The following NOTCH2 variants were observed in gnomAD, a reference collection of about 807,000 sequenced individuals.
NOTCH2 encodes notch receptor 2.
In NOTCH2, 29 loss-of-function variants were observed where a neutral mutation model predicts 235.8. The observed-to-expected ratio is 0.12, with a 90% CI of 0.09 to 0.17. The LOEUF (loss-of-function observed/expected upper bound fraction) is 0.17. NOTCH2 is among the 10% of genes least tolerant of loss of function. The pLI, the probability that NOTCH2 is intolerant of heterozygous loss-of-function variation, is 1.00. For missense variants in NOTCH2, 2,285 were observed against 3,150.2 expected (o/e 0.73, Z 6.57); for synonymous variants, 1,086 against 1,141.5 (o/e 0.95, Z 0.98).
intron 22 of NOTCH2, among the ~76,000 whole-genome samples, chr1:119,930,743 C>T (rs994339176): frequency 2.0e-5 from 3 of 151,396 alleles, no homozygotes; most frequent in Non-Finnish European, 4.4e-5. Flanking sequence ...TATGCCACTG[C>T]ACTCCAGCCT....
chr1:120,064,492 T>C (rs1553216726), intron 1 of NOTCH2, among the ~76,000 whole-genome samples: 1 of 151,858 alleles, frequency 6.6e-6, no homozygotes, highest in Non-Finnish European at 1.5e-5. Flanking sequence ...GCCTCTCCTA[T>C]AGAATGTTCT....
chr1:119,917,630 T>C, intron 33 of NOTCH2, 35 bp downstream of exon 33: 2 of 1,351,184 alleles, frequency 1.5e-6, no homozygotes, highest in Non-Finnish European at 2.1e-6. Context: ...GGCACTGCTA[T>C]GAGCCTCCTC....
Position 119,940,684 on chromosome 1 carries a change from A to G in NOTCH2, c.3054T>C (p.Thr1018=). Residue 1018 remains threonine (T), a synonymous_variant, in exon 19 of 34, where the codon ACT becomes ACC. Coordinates refer to ENST00000256646, the MANE Select transcript of NOTCH2 (RefSeq NM_024408.4). ...TGATCTCATGGAGGCAGAAGGATCC[A>G]GTGAAACCCACAGGGCACAAGCAAG... ...SFSCLCPVGF[T]GSFCLHEINE... The G allele has an allele frequency of 6.2e-7, 1 of 1,614,224 alleles. No homozygotes were observed. The highest frequency in any genetic ancestry group is 8.5e-7 in the Non-Finnish European group (1 of 1,180,024).
rs1366085378 is a variant in NOTCH2 at position 119,953,394 on chromosome 1, T to G, written c.2365+149A>C. The G allele has an allele frequency of 3.7e-6, 3 of 801,644 alleles. 1 individual carries two copies. The Admixed American group carries it at 5.9e-5, about 16-fold the overall frequency. The allele number at this position is 801,644 out of a possible 1,614,324, so 49.7% of individuals were successfully genotyped here. On this transcript the variant is annotated intron_variant, in intron 14 of 33. Transcript: ENST00000256646. ...GAAATTGTATCTATTCATGTTTTTATTCCCCAAGTGCCTTACAAGTCTAAT... is the reference window on the plus strand; with the variant it reads ...GAAATTGTATCTATTCATGTTTTTAGTCCCCAAGTGCCTTACAAGTCTAAT...
intron 1 of NOTCH2, among the ~76,000 whole-genome samples, chr1:120,037,855 T>A (rs2101355442): frequency 6.6e-6 from 1 of 152,144 alleles, no homozygotes; most frequent in African/African-American, 2.4e-5. Flanking sequence ...AAATTATTAC[T>A]GCTTTTCAAA....
chr1:119,937,816 T>A (rs782138712), intron 20 of NOTCH2, 41 bp downstream of exon 20: 1 of 1,610,806 alleles, frequency 6.2e-7, no homozygotes, highest in Admixed American at 1.7e-5. Flanking sequence ...GGACAGTCAA[T>A]ACTGCAGTGA....
At chr1:119,933,114 G>A (rs587742651) in intron 22 of NOTCH2, among the ~76,000 whole-genome samples, 1 of 152,084 alleles carries the variant, frequency 6.6e-6, no homozygotes, top group Admixed American at 6.5e-5. Flanking sequence ...GAGCATAAAT[G>A]CATATTTCCC....
chr1:119,931,978 A>ATG (rs200506273), intron 22 of NOTCH2, among the ~76,000 whole-genome samples: 7,359 of 147,710 alleles, frequency 0.05, 289 homozygotes, highest in South Asian at 0.11. Flanking sequence ...AAAAAGATAT[A>ATG]TGTGTGTATA....
At chr1:120,056,024 TAACCCTTTTCAGACCTCAAAAA>T (rs1455463751) in intron 1 of NOTCH2, among the ~76,000 whole-genome samples, 2 of 63,790 alleles carry the variant, frequency 3.1e-5, no homozygotes, top group African/African-American at 1.2e-4. Flanking sequence ...TGACTGGCAC[TAACCCTTTTCAGACCTCAAAAA>T]ACAAGGGCCG....
chr1:119,988,469 C>G (rs1255716119), intron 4 of NOTCH2, among the ~76,000 whole-genome samples: 1 of 152,078 alleles, frequency 6.6e-6, no homozygotes, highest in East Asian at 1.9e-4. Flanking sequence ...AAAATTTACT[C>G]AAATTTCAAA....
At chr1:120,007,402 G>A (rs1307931664) in intron 2 of NOTCH2, among the ~76,000 whole-genome samples, 2 of 134,520 alleles carry the variant, frequency 1.5e-5, no homozygotes, top group Non-Finnish European at 3.0e-5. Context: ...AAAAAGTTTT[G>A]CAAGTGGGCT....
At chr1:120,033,410 C>CAAAAAAAAAAA (rs1221514390) in intron 1 of NOTCH2, among the ~76,000 whole-genome samples, 3 of 11,234 alleles carry the variant, frequency 2.7e-4, no homozygotes, top group African/African-American at 8.3e-4. Flanking sequence ...GACTCCATCT[C>CAAAAAAAAAAA]AAAAAAAAAA....
At chr1:119,922,831 G>T in intron 26 of NOTCH2, 53 bp from the exon 27 acceptor site, 1 of 1,609,900 alleles carries the variant, frequency 6.2e-7, no homozygotes. Flanking sequence ...TAAAACAGAA[G>T]AGTGCAGGTC....
At position 119,911,903 on chromosome 1, in the gene NOTCH2, T is replaced by G. The variant is rs1648906436; in HGVS notation, c.*3403A>C. 1 of 233,092 alleles carries G rather than the reference T, an allele frequency of 4.3e-6. No homozygotes were observed. The allele number at this position is 233,092 out of a possible 1,614,324, so 14.4% of individuals were successfully genotyped here. ...TTTCCCCAGGATCATTTATTTATGA[T>G]CTAATTAAAGGAAGAAAAAAAGAAG... is the stretch of plus-strand genomic sequence containing the variant. On this transcript the variant is annotated 3_prime_UTR_variant, in exon 34 of 34. Transcript: ENST00000256646.
chr1:119,984,630 TTC>T, intron 5 of NOTCH2, among the ~76,000 whole-genome samples: 1 of 152,278 alleles, frequency 6.6e-6, no homozygotes, highest in East Asian at 1.9e-4. Context: ...AAAATTTTCC[TTC>T]TGTTTTTCTC....
chr1:119,996,457 A>C, intron 4 of NOTCH2: 1 of 576,960 alleles, frequency 1.7e-6, no homozygotes, highest in Non-Finnish European at 3.1e-6. Flanking sequence ...GGGTTACCCC[A>C]AAGTCAGAGA....
intron 14 of NOTCH2, among the ~76,000 whole-genome samples, chr1:119,952,199 T>C (rs1650501688): frequency 6.6e-6 from 1 of 152,208 alleles, no homozygotes; most frequent in South Asian, 2.1e-4. Context: ...AAGCAGATTT[T>C]ACACAATTCC....
rs1553196456 is a variant in NOTCH2 at position 119,941,618 on chromosome 1, G to T, written c.2889C>A (p.Thr963=). ...CLSEPCKNGG[T]CSDYVNSYTC... ...TGTAACTGTTGACGTAGTCAGAGCAGGTCCCTCCATTCTTACAGGGTTCAC... is the reference window on the plus strand; with the variant it reads ...TGTAACTGTTGACGTAGTCAGAGCATGTCCCTCCATTCTTACAGGGTTCAC... Residue 963 remains threonine (T), a synonymous_variant, in exon 18 of 34, where the codon ACC becomes ACA. Coordinates refer to ENST00000256646, the MANE Select transcript of NOTCH2 (RefSeq NM_024408.4). 1 of 1,614,136 alleles carries T rather than the reference G, an allele frequency of 6.2e-7. No homozygotes were observed. The highest frequency in any genetic ancestry group is 8.5e-7 in the Non-Finnish European group (1 of 1,179,998).
At chr1:119,953,941 G>A (rs1214128095) in intron 13 of NOTCH2, among the ~76,000 whole-genome samples, 1 of 151,944 alleles carries the variant, frequency 6.6e-6, no homozygotes, top group Admixed American at 6.6e-5. Flanking sequence ...TGTAAACAAT[G>A]GTTTCTACAA....
Sources: allele counts gnomAD v4.1 joint callset (sites outside exome capture counted in the v4.1 genomes callset), GRCh38; gene constraint gnomAD v4.1.1; transcripts MANE v1.5; gene names NCBI Gene and HGNC (gene_info 2026-07-23, HGNC 2026-07-21).